TFG: variants seen among roughly 807,000 people sequenced by gnomAD.
TFG encodes protein TFG.
Under a neutral mutation model 51.4 loss-of-function variants are expected in TFG, and 22 were observed. The ratio of observed to expected loss-of-function variants is 0.43; its 90% CI spans 0.31 to 0.61. TFG has a LOEUF of 0.61. Among genes scored for constraint, TFG ranks in the 20% least tolerant of loss-of-function variants. The pLI, the probability that TFG is intolerant of heterozygous loss-of-function variation, is 0.12. For synonymous variants in TFG, 187 were observed against 165.6 expected (o/e 1.13, Z -0.99); for missense variants, 419 against 487.7 (o/e 0.86, Z 1.33).
intron 5 of TFG, among the ~76,000 whole-genome samples, chr3:100,733,846 G>C (rs2095098515): frequency 6.6e-6 from 1 of 152,208 alleles, no homozygotes. Flanking sequence ...TGGGAATAGA[G>C]CATTGCATTG....
Position 100,732,635 on chromosome 3 carries a change from T to C in TFG, c.543T>C (p.Val181=). ...ACCAAGATGAAATCAATAAAAATGTTATGTCAGCGTTTGGCTTAACAGATG... is the reference window on the plus strand; with the variant it reads ...ACCAAGATGAAATCAATAAAAATGTCATGTCAGCGTTTGGCTTAACAGATG... The part of the protein sequence containing the change: ...LKNQDEINKN[V]MSAFGLTDDQ... The change falls in exon 5 of 8, where the codon GTT becomes GTC. Residue 181 remains valine (V), a synonymous_variant. Transcript: ENST00000240851. 2 of 1,612,190 alleles carry C rather than the reference T, an allele frequency of 1.2e-6. No homozygotes were observed. Among genetic ancestry groups the C allele is most frequent in the Non-Finnish European group, 1.7e-6 (2 of 1,179,192 alleles).
chr3:100,713,393 G>A (rs555064687), intron 1 of TFG, among the ~76,000 whole-genome samples: 2 of 152,158 alleles, frequency 1.3e-5, no homozygotes, highest in African/African-American at 4.8e-5. Context: ...GATATATTAA[G>A]AAAAATCTAA....
chr3:100,713,949 G>A, intron 2 of TFG, 80 bp downstream of exon 2: 1 of 907,970 alleles, frequency 1.1e-6, no homozygotes, highest in Middle Eastern at 3.7e-4. Context: ...TGCCCAGGCT[G>A]GAGTACAGTG....
chr3:100,741,196 G>T (rs532443375), intron 6 of TFG, among the ~76,000 whole-genome samples: 31 of 152,204 alleles, frequency 2.0e-4, no homozygotes, highest in African/African-American at 7.0e-4. Flanking sequence ...GTAGAACCAG[G>T]CTCAGATAGG....
chr3:100,730,923 A>T (rs946250612), intron 4 of TFG, among the ~76,000 whole-genome samples: 21 of 152,164 alleles, frequency 1.4e-4, no homozygotes, highest in Non-Finnish European at 3.1e-4. Context: ...TGCTCTTGGG[A>T]TTAGAGGAAG....
chr3:100,737,614 G>A (rs2149088736), intron 6 of TFG, among the ~76,000 whole-genome samples: 1 of 152,284 alleles, frequency 6.6e-6, no homozygotes, highest in South Asian at 2.1e-4. Flanking sequence ...TTGTTTAACG[G>A]GTCAGATAGT....
At chr3:100,741,767 A>G (rs1473220391) in intron 6 of TFG, among the ~76,000 whole-genome samples, 1 of 152,134 alleles carries the variant, frequency 6.6e-6, no homozygotes, top group Non-Finnish European at 1.5e-5. Context: ...CTTTTTTGCC[A>G]TATTTTCACT....
chr3:100,747,047 C>T (rs758121354), intron 7 of TFG, among the ~76,000 whole-genome samples: 2 of 152,140 alleles, frequency 1.3e-5, no homozygotes, highest in South Asian at 2.1e-4. Context: ...TAGTCAGGGT[C>T]TTCACTCTGA....
rs752787175 is a variant in TFG at position 100,714,254 on chromosome 3, C to T, written c.184+385C>T. On this transcript the variant is annotated intron_variant, in intron 2 of 7. Coordinates refer to ENST00000240851, the MANE Select transcript of TFG (RefSeq NM_006070.6). Reference sequence around the variant, plus strand: ...GCAGCTCATGCCTGTAATCCCAGCACTTTGGGAGACCGAGGTAGGCGGATC... The same window carrying T: ...GCAGCTCATGCCTGTAATCCCAGCATTTTGGGAGACCGAGGTAGGCGGATC... Among the ~76,000 whole-genome samples, 46 of 152,222 alleles carry T rather than the reference C, an allele frequency of 3.0e-4. 1 individual carries two copies. The highest frequency in any genetic ancestry group is 8.3e-4 in the South Asian group (4 of 4,818).
At chr3:100,747,339 A>G (rs1360421950) in intron 7 of TFG, 4 of 135,740 alleles carry the variant, frequency 2.9e-5, no homozygotes, top group South Asian at 2.5e-4. Flanking sequence ...AATTCATTCA[A>G]TCCTTTTTTT....
intron 4 of TFG, among the ~76,000 whole-genome samples, chr3:100,729,670 A>C (rs747140985): frequency 6.6e-6 from 1 of 152,132 alleles, no homozygotes; most frequent in Non-Finnish European, 1.5e-5. Context: ...ATAGTAATTT[A>C]AAAAAAGTCT....
chr3:100,714,656 C>G (rs368907613), intron 2 of TFG, among the ~76,000 whole-genome samples: 1 of 151,606 alleles, frequency 6.6e-6, no homozygotes, highest in Non-Finnish European at 1.5e-5. Flanking sequence ...TCTTATTTCC[C>G]GAAATGAAAG....
intron 2 of TFG, among the ~76,000 whole-genome samples, chr3:100,717,588 T>G (rs1315434520): frequency 6.6e-6 from 1 of 151,672 alleles, no homozygotes; most frequent in Non-Finnish European, 1.5e-5. Flanking sequence ...TGTTTTTTTT[T>G]TTTTTTGTAG....
chr3:100,726,839 T>C (rs2095077281), intron 3 of TFG, among the ~76,000 whole-genome samples: 1 of 152,220 alleles, frequency 6.6e-6, no homozygotes, highest in Non-Finnish European at 1.5e-5. Flanking sequence ...AGAGCTTTGC[T>C]CTGCATTGGA....
intron 2 of TFG, among the ~76,000 whole-genome samples, chr3:100,714,337 T>A (rs929983080): frequency 1.3e-5 from 2 of 152,094 alleles, no homozygotes; most frequent in Admixed American, 6.6e-5. Context: ...CTGTCTCTAC[T>A]AAAAATACCA....
Position 100,732,451 on chromosome 3 carries a change from C to G in TFG, c.416-57C>G, listed in dbSNP as rs987652981. ...CATTATTTCCCTTGTACTTTTAGGCCTTACTGAATATAGATAAAAAGGAAA... is the reference window on the plus strand; with the variant it reads ...CATTATTTCCCTTGTACTTTTAGGCGTTACTGAATATAGATAAAAAGGAAA... On this transcript the variant is annotated intron_variant, in intron 4 of 7. Coordinates refer to ENST00000240851, the MANE Select transcript of TFG (RefSeq NM_006070.6). 8.2e-6 allele frequency: 11 copies of G among 1,333,350 alleles called. No homozygotes were observed. In the Admixed American group the frequency reaches 8.4e-5, roughly 10 times the overall value. 82.6% of individuals were successfully genotyped at this position (1,333,350 alleles called of 1,614,324 possible). A position where few individuals can be genotyped will look rare whatever the true frequency, so the allele number is the denominator to read the frequency against.
chr3:100,726,049 G>A (rs1172967703), intron 3 of TFG, among the ~76,000 whole-genome samples: 1 of 152,164 alleles, frequency 6.6e-6, no homozygotes, highest in African/African-American at 2.4e-5. Flanking sequence ...GAGAGAAGCT[G>A]ATGCTGATAG....
At chr3:100,731,529 C>A (rs896179679) in intron 4 of TFG, among the ~76,000 whole-genome samples, 1 of 152,090 alleles carries the variant, frequency 6.6e-6, no homozygotes, top group African/African-American at 2.4e-5. Flanking sequence ...ATCCCAGAAA[C>A]CCACATCCAG....
chr3:100,739,795 A>C lies in TFG; in HGVS notation c.721+3079A>C, dbSNP rs1384467891. Among the ~76,000 whole-genome samples the C allele has an allele frequency of 2.6e-5, 4 of 152,136 alleles. No homozygotes were observed. The East Asian group carries it at 7.7e-4, about 29-fold the overall frequency. On this transcript the variant is annotated intron_variant, in intron 6 of 7. Coordinates refer to ENST00000240851, the MANE Select transcript of TFG (RefSeq NM_006070.6). ...ACAGCTTATTATACTCAGGTATTTCAGTATATATGTCCAACTGATAATCTT... is the reference window on the plus strand; with the variant it reads ...ACAGCTTATTATACTCAGGTATTTCCGTATATATGTCCAACTGATAATCTT...
Sources: allele counts gnomAD v4.1 joint callset (sites outside exome capture counted in the v4.1 genomes callset), GRCh38; gene constraint gnomAD v4.1.1; transcripts MANE v1.5; gene names NCBI Gene and HGNC (gene_info 2026-07-23, HGNC 2026-07-21).